The following METTL15 variants were observed in gnomAD, a reference collection of about 807,000 sequenced individuals.
The protein encoded by METTL15 is methyltransferase 15, mitochondrial 12S rRNA N4-cytidine.
A neutral mutation model predicts 38.3 loss-of-function variants in METTL15; 34 were observed. That is an observed-to-expected ratio of 0.89 (90% CI 0.68 to 1.18). METTL15 has a LOEUF of 1.18. METTL15 is among the 50% of genes most tolerant of loss of function. The pLI is 0.00. For missense variants in METTL15, 438 were observed against 498.4 expected (o/e 0.88, Z 1.15); for synonymous variants, 162 against 170.9 (o/e 0.95, Z 0.41).
At chr11:28,430,046 G>C (rs1299606559) in intron 6 of METTL15, among the ~76,000 whole-genome samples, 1 of 142,100 alleles carries the variant, frequency 7.0e-6, no homozygotes, top group Non-Finnish European at 1.6e-5. Context: ...CTGCCCGGCC[G>C]AGACCCCATC....
chr11:28,510,525 T>G (rs554686754), intron 6 of METTL15, among the ~76,000 whole-genome samples: 51 of 152,292 alleles, frequency 3.3e-4, no homozygotes, highest in African/African-American at 1.2e-3. Flanking sequence ...AGTAATAAAA[T>G]AAACATTAAT....
intron 5 of METTL15, among the ~76,000 whole-genome samples, chr11:28,295,201 A>G (rs1565232197): frequency 6.6e-6 from 1 of 152,144 alleles, no homozygotes; most frequent in Non-Finnish European, 1.5e-5. Flanking sequence ...TTTCTGTTTT[A>G]CAATTGTGTG....
chr11:28,175,397 G>A (rs1394639960), intron 3 of METTL15, among the ~76,000 whole-genome samples: 1 of 152,094 alleles, frequency 6.6e-6, no homozygotes, highest in African/African-American at 2.4e-5. Flanking sequence ...GAATAGTGCT[G>A]TAATAAACAT....
At chr11:28,412,445 G>A (rs559731178) in intron 5 of METTL15, among the ~76,000 whole-genome samples, 79 of 147,982 alleles carry the variant, frequency 5.3e-4, no homozygotes, top group Middle Eastern at 3.4e-3. Context: ...GAGACCAAAC[G>A]AGAGAGAGAG....
intron 4 of METTL15, among the ~76,000 whole-genome samples, chr11:28,270,555 T>C (rs1468866266): frequency 6.6e-6 from 1 of 152,186 alleles, no homozygotes; most frequent in Non-Finnish European, 1.5e-5. Flanking sequence ...CAACCAGGGT[T>C]AGAATCTCAG....
intron 6 of METTL15, among the ~76,000 whole-genome samples, chr11:28,426,284 C>T (rs1040602011): frequency 6.6e-6 from 1 of 152,106 alleles, no homozygotes; most frequent in African/African-American, 2.4e-5. Flanking sequence ...GATCTCGTTC[C>T]TTCTTATGGT....
At chr11:28,288,856 C>G (rs1043241274) in intron 4 of METTL15, among the ~76,000 whole-genome samples, 1 of 152,070 alleles carries the variant, frequency 6.6e-6, no homozygotes, top group African/African-American at 2.4e-5. Flanking sequence ...TCTGTTTCAT[C>G]TGGCCAGTGT....
At chr11:28,439,156 T>C (rs1174120097) in intron 6 of METTL15, among the ~76,000 whole-genome samples, 1 of 152,176 alleles carries the variant, frequency 6.6e-6, no homozygotes, top group African/African-American at 2.4e-5. Context: ...ATTTTCTCTT[T>C]TGCAATAACT....
At chr11:28,349,487 C>CT (rs1386923416) in intron 3 of METTL15, among the ~76,000 whole-genome samples, 2 of 152,260 alleles carry the variant, frequency 1.3e-5, no homozygotes, top group African/African-American at 2.4e-5. Flanking sequence ...TGTCTTTATT[C>CT]TTTTTTAATT....
intron 3 of METTL15, among the ~76,000 whole-genome samples, chr11:28,148,963 G>A (rs1047242438): frequency 2.0e-5 from 3 of 151,868 alleles, no homozygotes; most frequent in African/African-American, 4.8e-5. Flanking sequence ...ATAATACTGC[G>A]TTAAAAGGAT....
chr11:28,205,392 T>G (rs531523288), intron 3 of METTL15, among the ~76,000 whole-genome samples: 2 of 152,078 alleles, frequency 1.3e-5, no homozygotes, highest in Non-Finnish European at 2.9e-5. Flanking sequence ...TTACTGAGAA[T>G]GATAATTTCC....
intron 4 of METTL15, among the ~76,000 whole-genome samples, chr11:28,221,567 A>G (rs1853223725): frequency 6.6e-6 from 1 of 152,106 alleles, no homozygotes. Context: ...AACTTGTCAA[A>G]GTCATTCTCT....
chr11:28,275,038 A>G (rs1855790393), intron 4 of METTL15, among the ~76,000 whole-genome samples: 2 of 151,758 alleles, frequency 1.3e-5, no homozygotes, highest in South Asian at 4.1e-4. Context: ...CAAACTGACA[A>G]TCTAGTAATG....
intron 5 of METTL15, among the ~76,000 whole-genome samples, chr11:28,377,836 T>C (rs1320229997): frequency 6.6e-6 from 1 of 151,476 alleles, no homozygotes; most frequent in Non-Finnish European, 1.5e-5. Context: ...GGGTTTTTGG[T>C]GTGGATGTCC....
At chr11:28,374,742 C>A (rs1850286652) in intron 5 of METTL15, among the ~76,000 whole-genome samples, 1 of 151,214 alleles carries the variant, frequency 6.6e-6, no homozygotes, top group African/African-American at 2.4e-5. Flanking sequence ...CTGTCTTGTG[C>A]CAGTTTTCAA....
At chr11:28,237,479 T>G (rs1332721137) in intron 4 of METTL15, among the ~76,000 whole-genome samples, 1 of 152,176 alleles carries the variant, frequency 6.6e-6, no homozygotes, top group Non-Finnish European at 1.5e-5. Context: ...TTCTCTGTAT[T>G]GGTTATTCTA....
At chr11:28,427,132 C>T (rs537987173) in intron 6 of METTL15, among the ~76,000 whole-genome samples, 46 of 152,186 alleles carry the variant, frequency 3.0e-4, no homozygotes, top group Admixed American at 1.3e-3. Context: ...GGAAGTAGTC[C>T]GCTTTCAATT....
chr11:28,347,291 G>A (rs560698375), intron 3 of METTL15, among the ~76,000 whole-genome samples: 84 of 152,300 alleles, frequency 5.5e-4, no homozygotes, highest in Admixed American at 3.9e-3. Context: ...GGAATAGTAG[G>A]GCAGCCTGAT....
intron 6 of METTL15, among the ~76,000 whole-genome samples, chr11:28,440,685 C>T (rs1348365344): frequency 1.3e-5 from 2 of 152,168 alleles, no homozygotes; most frequent in Non-Finnish European, 2.9e-5. Context: ...TGGTACACAA[C>T]AAAAGGTTGA....
Sources: allele counts gnomAD v4.1 joint callset (sites outside exome capture counted in the v4.1 genomes callset), GRCh38; gene constraint gnomAD v4.1.1; transcripts MANE v1.5; gene names NCBI Gene and HGNC (gene_info 2026-07-23, HGNC 2026-07-21).